TACR1: variants seen among roughly 807,000 people sequenced by gnomAD.
The protein encoded by TACR1 is tachykinin receptor 1.
In TACR1, 25 loss-of-function variants were observed where a neutral mutation model predicts 35.8. That is an observed-to-expected ratio of 0.70 (90% CI 0.51 to 0.98). TACR1 has a LOEUF of 0.98. TACR1 is among the 50% of genes least tolerant of loss of function. The probability of loss-of-function intolerance (pLI) is 0.00; values close to 1 mark genes in which losing one functional copy is unlikely to be tolerated. For synonymous variants in TACR1, 195 were observed against 206.7 expected, an observed-to-expected ratio of 0.94 and a Z score of 0.48; for missense variants, 478 against 522.9, an observed-to-expected ratio of 0.91 and a Z score of 0.84.
chr2:75,049,561 G>A lies in TACR1; in HGVS notation c.1095C>T (p.His365=), dbSNP rs150773283. The A allele has an allele frequency of 1.0e-4, 169 of 1,614,184 alleles. 2 individuals are homozygous for A. In the South Asian group the frequency reaches 1.6e-3, roughly 15 times the overall value. ...TGGGGCCGTCCTCTGGCTCCTCCTC[G>A]TGGGCCCCCACCACTGTGGAGATGG... The part of the protein sequence containing the change: ...ETTISTVVGA[H]EEEPEDGPKA... Residue 365 remains histidine (H), a synonymous_variant, in exon 5 of 5, where the codon CAC becomes CAT. Transcript: ENST00000305249.
chr2:75,154,417 C>CGT (rs1674768556), intron 1 of TACR1: 2 of 95,922 alleles, frequency 2.1e-5, no homozygotes, highest in African/African-American at 3.4e-5. Flanking sequence ...CACGCACACA[C>CGT]ACACACACAC....
chr2:75,176,012 CAAAAA>C lies in TACR1; in HGVS notation c.389+22529_389+22533del, dbSNP rs34884122. Reference sequence around the variant, plus strand: ...CATGGCTCACTATGTTTGAGCTGTCCAAAAAAAAAAAAAAAAAAAAGGAAACAGAA... The same window carrying C: ...CATGGCTCACTATGTTTGAGCTGTCCAAAAAAAAAAAAAAAGGAAACAGAA... On this transcript the variant is annotated intron_variant, in intron 1 of 4. Coordinates refer to ENST00000305249, the MANE Select transcript of TACR1 (RefSeq NM_001058.4). Among the ~76,000 whole-genome samples the C allele has an allele frequency of 9.4e-3, 1,025 of 109,572 alleles. 16 individuals carry two copies. Among genetic ancestry groups the C allele is most frequent in the African/African-American group, 0.032 (941 of 29,838 alleles). 71.9% of individuals were successfully genotyped at this position (109,572 alleles called of 152,430 possible). A position where few individuals can be genotyped will look rare whatever the true frequency, so the allele number is the denominator to read the frequency against.
chr2:75,111,254 A>G (rs3771817), intron 2 of TACR1, among the ~76,000 whole-genome samples: 24,120 of 151,922 alleles, frequency 0.16, 2,572 homozygotes, highest in East Asian at 0.49. Flanking sequence ...TTTGGCTTCT[A>G]CCTTGAGGGT....
intron 2 of TACR1, among the ~76,000 whole-genome samples, chr2:75,091,607 C>T (rs1427337007): frequency 6.6e-6 from 1 of 152,170 alleles, no homozygotes; most frequent in Non-Finnish European, 1.5e-5. Flanking sequence ...GGATTCTACC[C>T]TGAGTCACAG....
At chr2:75,178,575 C>G (rs1021003796) in intron 1 of TACR1, among the ~76,000 whole-genome samples, 5 of 152,104 alleles carry the variant, frequency 3.3e-5, no homozygotes, top group African/African-American at 7.2e-5. Context: ...ACCTTTCTAC[C>G]TAATACACTT....
intron 2 of TACR1, among the ~76,000 whole-genome samples, chr2:75,115,228 A>G (rs1337459556): frequency 6.6e-6 from 1 of 152,142 alleles, no homozygotes; most frequent in Non-Finnish European, 1.5e-5. Flanking sequence ...ATTAAATTAT[A>G]AAAAGATGTT....
intron 2 of TACR1, among the ~76,000 whole-genome samples, chr2:75,104,362 T>C (rs1375307861): frequency 6.6e-6 from 1 of 152,014 alleles, no homozygotes; most frequent in Admixed American, 6.6e-5. Context: ...ATTGTAAATA[T>C]ATATGCACCC....
At chr2:75,077,352 A>C (rs1472244249) in intron 2 of TACR1, among the ~76,000 whole-genome samples, 4 of 152,160 alleles carry the variant, frequency 2.6e-5, no homozygotes, top group African/African-American at 9.7e-5. Context: ...AGGTCTTTTA[A>C]AACTAAGGAC....
intron 2 of TACR1, among the ~76,000 whole-genome samples, chr2:75,069,684 T>A (rs1415000559): frequency 6.6e-6 from 1 of 152,222 alleles, no homozygotes; most frequent in Non-Finnish European, 1.5e-5. Context: ...TAACATTGAC[T>A]GTTTTGAGGA....
intron 1 of TACR1, among the ~76,000 whole-genome samples, chr2:75,198,215 A>T (rs1199071055): frequency 6.6e-6 from 1 of 152,184 alleles, no homozygotes; most frequent in Non-Finnish European, 1.5e-5. Context: ...TGCAAGGGTA[A>T]AGGGGAGAAG....
At chr2:75,103,490 T>C (rs757620992) in intron 2 of TACR1, among the ~76,000 whole-genome samples, 35 of 151,858 alleles carry the variant, frequency 2.3e-4, no homozygotes, top group Middle Eastern at 3.4e-3. Flanking sequence ...TAAAATAAAT[T>C]GAGTAACTCA....
intron 2 of TACR1, among the ~76,000 whole-genome samples, chr2:75,118,221 A>G (rs1673901022): frequency 6.6e-6 from 1 of 152,248 alleles, no homozygotes; most frequent in South Asian, 2.1e-4. Flanking sequence ...GAAAAATAAT[A>G]TAATGTATTA....
At chr2:75,121,271 C>A (rs1185816785) in intron 1 of TACR1, among the ~76,000 whole-genome samples, 1 of 152,202 alleles carries the variant, frequency 6.6e-6, no homozygotes, top group Admixed American at 6.5e-5. Flanking sequence ...TGTGACAAAG[C>A]ATTGGCCTAA....
At chr2:75,118,178 T>C (rs894104803) in intron 2 of TACR1, among the ~76,000 whole-genome samples, 1 of 152,212 alleles carries the variant, frequency 6.6e-6, no homozygotes, top group African/African-American at 2.4e-5. Context: ...AATTAAGTAG[T>C]CTGTTTAGAC....
At chr2:75,100,570 G>A (rs1673517399) in intron 2 of TACR1, among the ~76,000 whole-genome samples, 1 of 152,124 alleles carries the variant, frequency 6.6e-6, no homozygotes, top group South Asian at 2.1e-4. Context: ...GAATGGCACT[G>A]TGGATTTATT....
intron 2 of TACR1, among the ~76,000 whole-genome samples, chr2:75,089,885 T>C (rs1160816625): frequency 6.6e-6 from 1 of 152,092 alleles, no homozygotes; most frequent in Non-Finnish European, 1.5e-5. Flanking sequence ...TTTACAAATC[T>C]CAAACAAACA....
At chr2:75,079,431 T>G (rs1673037368) in intron 2 of TACR1, among the ~76,000 whole-genome samples, 1 of 152,230 alleles carries the variant, frequency 6.6e-6, no homozygotes, top group South Asian at 2.1e-4. Context: ...GTGTTAAATT[T>G]GGCACTTGGG....
Position 75,053,595 on chromosome 2 carries a change from C to A in TACR1, c.735+10G>T. 1 of 1,522,174 alleles carries A rather than the reference C, an allele frequency of 6.6e-7. No individual in the cohort carries two copies. Among genetic ancestry groups the A allele is most frequent in the Non-Finnish European group, 8.8e-7 (1 of 1,135,378 alleles). The allele number at this position is 1,522,174 out of a possible 1,614,324, so 94.3% of individuals were successfully genotyped here. ...CCAGGGTGGGTTAGTTCTGCCTGTC[C>A]CCTGCTCACCTTGCGCTTGGCAGAG... On this transcript the variant is annotated intron_variant, in intron 3 of 4. Transcript: ENST00000305249.
At chr2:75,174,724 T>G (rs1223168262) in intron 1 of TACR1, among the ~76,000 whole-genome samples, 1 of 152,188 alleles carries the variant, frequency 6.6e-6, no homozygotes, top group Admixed American at 6.5e-5. Context: ...TCCATAGCAA[T>G]GGAGAGTGAA....
Sources: gnomAD v4.1 joint callset for allele counts (sites outside exome capture counted in the v4.1 genomes callset) on GRCh38, gnomAD v4.1.1 for gene constraint, MANE v1.5 for transcripts, NCBI Gene and HGNC (gene_info 2026-07-23, HGNC 2026-07-21) for gene names.